Variants in PLEKHA7 observed in about 807,000 individuals in gnomAD.
PLEKHA7 encodes the protein pleckstrin homology domain containing A7.
In PLEKHA7, 104 loss-of-function variants were observed where a neutral mutation model predicts 170.0. The ratio of observed to expected loss-of-function variants is 0.61; its 90% confidence interval spans 0.52 to 0.72. The LOEUF is 0.72. PLEKHA7 is among the 30% of genes least tolerant of loss of function. The pLI, the probability that PLEKHA7 is intolerant of heterozygous loss-of-function variation, is 0.00. For missense variants in PLEKHA7, 1,615 were observed against 1,671.7 expected, an observed-to-expected ratio of 0.97 and a Z score of 0.59; for synonymous variants, 648 against 660.8, an observed-to-expected ratio of 0.98 and a Z score of 0.30.
At chr11:16,907,311 G>A (rs1265226892) in intron 3 of PLEKHA7, among the ~76,000 whole-genome samples, 13 of 140,348 alleles carry the variant, frequency 9.3e-5, no homozygotes, top group African/African-American at 2.7e-4. Context: ...GGTGAGGGGC[G>A]CCTCTGCCCG....
chr11:16,790,597 G>A (rs1347961506), intron 21 of PLEKHA7: 9 of 585,560 alleles, frequency 1.5e-5, no homozygotes, highest in Non-Finnish European at 2.7e-5. Flanking sequence ...GGGGACAGAT[G>A]TAACAAAAGA....
chr11:16,867,829 A>G (rs1854512720), intron 4 of PLEKHA7, among the ~76,000 whole-genome samples: 1 of 152,194 alleles, frequency 6.6e-6, no homozygotes, highest in South Asian at 2.1e-4. Context: ...ACACACATGC[A>G]CGTGTACACA....
intron 4 of PLEKHA7, among the ~76,000 whole-genome samples, chr11:16,869,593 A>G (rs902040170): frequency 5.9e-5 from 9 of 152,248 alleles, no homozygotes; most frequent in African/African-American, 2.2e-4. Context: ...CTGTGGGATA[A>G]TGATTCTAAG....
In PLEKHA7 at chr11:16,816,813, C is replaced by T. The variant is rs779676074; in HGVS notation, c.1853G>A (p.Gly618Asp). 15 of 1,613,704 alleles carry T rather than the reference C, an allele frequency of 9.3e-6. No individual in the cohort carries two copies. Among genetic ancestry groups the T allele is most frequent in the Non-Finnish European group, 1.2e-5 (14 of 1,179,898 alleles). ...CCCGAGCCTCACCTTGACAGCGTGG[C>T]CCCGTGCCCTCCTTGGAGAATCCCC... is the stretch of plus-strand genomic sequence containing the variant. ...SLGDSPRRAR[G>D]HAVKNSSHVD... Residue 618 changes from glycine (G) to aspartate (D), a missense_variant, in exon 11 of 27, where the codon GGC becomes GAC. By Grantham distance (94) the Gly-to-Asp change is moderately conservative. Transcript: ENST00000531066.
rs575719926 is a variant in PLEKHA7 at position 16,782,896 on chromosome 11, G to A, written c.3651C>T (p.Ser1217=). The A allele has an allele frequency of 3.9e-6, 6 of 1,535,960 alleles. No homozygotes were observed. In the Admixed American group the frequency reaches 1.2e-4, roughly 30 times the overall value. ...CTGAGGTCGGCTGTAGGTTGCACATGCTGTAGGAGGGTCGGAAGCAGACCA... is the reference window on the plus strand; with the variant it reads ...CTGAGGTCGGCTGTAGGTTGCACATACTGTAGGAGGGTCGGAAGCAGACCA... ...EKIRNILARS[S]MCNLQPTSGQ... The change falls in exon 26 of 27, where the codon AGC becomes AGT. Residue 1217 remains serine, a splice_region_variant and synonymous_variant. Transcript: ENST00000531066.
At chr11:16,961,542 C>A (rs1862059869) in intron 3 of PLEKHA7, among the ~76,000 whole-genome samples, 2 of 152,236 alleles carry the variant, frequency 1.3e-5, no homozygotes, top group Admixed American at 6.5e-5. Context: ...CCTGCACCCA[C>A]CCCTGGCTGT....
intron 15 of PLEKHA7, among the ~76,000 whole-genome samples, chr11:16,802,739 G>C (rs1023553799): frequency 6.6e-6 from 1 of 152,070 alleles, no homozygotes; most frequent in Admixed American, 6.5e-5. Context: ...GTGGAGACAG[G>C]GTTTCACCAT....
intron 16 of PLEKHA7, 81 bp from the exon 17 acceptor site, chr11:16,801,156 C>T: frequency 8.4e-7 from 1 of 1,188,688 alleles, no homozygotes; most frequent in Admixed American, 1.7e-5. Flanking sequence ...TACTCCTGAC[C>T]ATGCTGACCC....
At chr11:16,828,063 G>A (rs557741912) in intron 9 of PLEKHA7, among the ~76,000 whole-genome samples, 51 of 152,278 alleles carry the variant, frequency 3.3e-4, no homozygotes, top group Non-Finnish European at 6.3e-4. Context: ...CCAACATAAC[G>A]TGAAAATACA....
At chr11:16,839,346 G>A (rs1171576668) in intron 9 of PLEKHA7, among the ~76,000 whole-genome samples, 2 of 151,502 alleles carry the variant, frequency 1.3e-5, no homozygotes, top group African/African-American at 4.8e-5. Context: ...CCTTGGGAAG[G>A]TGATTTGGGA....
intron 19 of PLEKHA7, among the ~76,000 whole-genome samples, chr11:16,792,393 A>G (rs1168996199): frequency 6.6e-6 from 1 of 152,242 alleles, no homozygotes; most frequent in Non-Finnish European, 1.5e-5. Flanking sequence ...ATAAAAATAA[A>G]AGAACTATAG....
chr11:16,835,680 G>T (rs1851457788), intron 9 of PLEKHA7, among the ~76,000 whole-genome samples: 1 of 152,120 alleles, frequency 6.6e-6, no homozygotes, highest in African/African-American at 2.4e-5. Flanking sequence ...AAAAATCAAG[G>T]TTTCAAAAGC....
chr11:16,912,473 G>A (rs562823305), intron 3 of PLEKHA7, among the ~76,000 whole-genome samples: 66 of 152,316 alleles, frequency 4.3e-4, no homozygotes, highest in South Asian at 2.3e-3. Flanking sequence ...TATTTTAAAT[G>A]GGAGCTGAAG....
intron 3 of PLEKHA7, among the ~76,000 whole-genome samples, chr11:16,921,497 A>G (rs1859087738): frequency 6.6e-6 from 1 of 152,238 alleles, no homozygotes; most frequent in South Asian, 2.1e-4. Flanking sequence ...CTGGGATATT[A>G]GAATAGGTCA....
In PLEKHA7 at chr11:16,779,412, G is replaced by A. The variant is rs546819488; in HGVS notation, c.3794-392C>T. Among the ~76,000 whole-genome samples, 115 of 152,328 alleles carry A rather than the reference G, an allele frequency of 7.5e-4. 1 individual carries two copies. The highest frequency in any genetic ancestry group is 6.8e-3 in the Middle Eastern group (2 of 294). ...CTTAACAAGGATGCTTTGAGAGTAA[G>A]AAGAAATGCAGTACTCCAAAGAGTA... On this transcript the variant is annotated intron_variant, in intron 26 of 26. Coordinates refer to ENST00000531066, the MANE Select transcript of PLEKHA7 (RefSeq NM_001329630.2).
chr11:16,808,881 G>A (rs1433092055), intron 13 of PLEKHA7, among the ~76,000 whole-genome samples: 1 of 152,196 alleles, frequency 6.6e-6, no homozygotes, highest in Non-Finnish European at 1.5e-5. Context: ...TGTGATGCAT[G>A]GACGAAAGAA....
chr11:16,885,304 TG>T (rs1235615186), intron 3 of PLEKHA7, among the ~76,000 whole-genome samples: 1 of 148,690 alleles, frequency 6.7e-6, no homozygotes, highest in Non-Finnish European at 1.5e-5. Context: ...CACTCCAGCC[TG>T]GGCGACAGAG....
At chr11:16,782,130 CACACACATAG>C (rs1849071864) in intron 26 of PLEKHA7, among the ~76,000 whole-genome samples, 1 of 151,378 alleles carries the variant, frequency 6.6e-6, no homozygotes, top group Admixed American at 6.6e-5. Flanking sequence ...CACACATACA[CACACACATAG>C]ACACACATTG....
At chr11:16,858,290 C>T (rs1638456) in intron 4 of PLEKHA7, among the ~76,000 whole-genome samples, 17,431 of 152,094 alleles carry the variant, frequency 0.11, 1,103 homozygotes, top group East Asian at 0.16. Context: ...CATTTTAAAA[C>T]GTTATTGTAA....
Sources: allele counts gnomAD v4.1 joint callset (sites outside exome capture counted in the v4.1 genomes callset), GRCh38; gene constraint gnomAD v4.1.1; transcripts MANE v1.5; gene names NCBI Gene and HGNC (gene_info 2026-07-23, HGNC 2026-07-21).